PTH2R: variants seen among roughly 807,000 people sequenced by gnomAD.
The protein encoded by PTH2R is parathyroid hormone 2 receptor, also known as PTH2 receptor.
In PTH2R, 59 loss-of-function variants were observed where a neutral mutation model predicts 60.3. The observed-to-expected ratio is 0.98, with a 90% CI of 0.79 to 1.22. The LOEUF (loss-of-function observed/expected upper bound fraction) is 1.22, where lower values mean the gene tolerates loss of function less well. Among genes scored for constraint, PTH2R ranks in the 50% most tolerant of loss-of-function variants. The pLI, the probability that PTH2R is intolerant of heterozygous loss-of-function variation, is 0.00. For synonymous variants in PTH2R, 256 were observed against 243.8 expected (o/e 1.05, Z -0.47); for missense variants, 749 against 682.6 (o/e 1.10, Z -1.08).
At chr2:208,428,176 G>A (rs968554073) in intron 1 of PTH2R, 25 bp from the exon 2 acceptor site, 8 of 1,530,948 alleles carry the variant, frequency 5.2e-6, no homozygotes, top group Non-Finnish European at 7.2e-6. Flanking sequence ...TGATGAAAAT[G>A]TTTGTATTTT....
At chr2:208,416,718 A>G (rs1701648636) in intron 1 of PTH2R, among the ~76,000 whole-genome samples, 1 of 152,308 alleles carries the variant, frequency 6.6e-6, no homozygotes, top group South Asian at 2.1e-4. Context: ...ACCCACCCTT[A>G]AGCTGGGTGG....
chr2:208,433,474 G>A (rs535156428), intron 2 of PTH2R, among the ~76,000 whole-genome samples: 109 of 152,234 alleles, frequency 7.2e-4, no homozygotes, highest in Non-Finnish European at 1.2e-3. Flanking sequence ...AAATATTTAG[G>A]AGTGAGCTGT....
intron 1 of PTH2R, among the ~76,000 whole-genome samples, chr2:208,410,396 G>A (rs1325077531): frequency 2.0e-5 from 3 of 152,078 alleles, no homozygotes; most frequent in Non-Finnish European, 4.4e-5. Flanking sequence ...CCTCCTACTG[G>A]TACCCTCATT....
chr2:208,405,022 C>T (rs1701375778), upstream of PTH2R, among the ~76,000 whole-genome samples: 1 of 152,208 alleles, frequency 6.6e-6, no homozygotes, highest in African/African-American at 2.4e-5. Context: ...TAAGCCTCTT[C>T]TATCAGAGCA....
Position 208,493,843 on chromosome 2 carries a change from A to G in PTH2R, c.*184A>G. On this transcript the variant is annotated 3_prime_UTR_variant, in exon 13 of 13. Coordinates refer to ENST00000272847, the MANE Select transcript of PTH2R (RefSeq NM_005048.4). ...TAACGACATGAAAATGCAAGTGTCA[A>G]TGGAGTAGTTTATTACCTTCTATTG... is the stretch of plus-strand genomic sequence containing the variant. The G allele has an allele frequency of 1.9e-6, 1 of 537,264 alleles. No homozygotes were observed. Among genetic ancestry groups the G allele is most frequent in the East Asian group, 3.3e-5 (1 of 30,552 alleles). 33.3% of individuals were successfully genotyped at this position (537,264 alleles called of 1,614,324 possible). A position where few individuals can be genotyped will look rare whatever the true frequency, so the allele number is the denominator to read the frequency against.
At chr2:208,377,953 T>G (rs968828728) in intron 1 of PTH2R, among the ~76,000 whole-genome samples, 26 of 151,886 alleles carry the variant, frequency 1.7e-4, no homozygotes, top group Non-Finnish European at 3.2e-4. Context: ...GAGACGCTCC[T>G]CACTTCCCAG....
At chr2:208,426,890 AG>A (rs1246948802) in intron 1 of PTH2R, among the ~76,000 whole-genome samples, 1 of 152,242 alleles carries the variant, frequency 6.6e-6, no homozygotes, top group Non-Finnish European at 1.5e-5. Context: ...TCAATTTAAC[AG>A]ATTGTGATTT....
At chr2:208,410,677 A>G (rs1559211641) in intron 1 of PTH2R, among the ~76,000 whole-genome samples, 1 of 152,256 alleles carries the variant, frequency 6.6e-6, no homozygotes, top group Non-Finnish European at 1.5e-5. Context: ...ACAATAGGAT[A>G]TATGGTATGA....
chr2:208,410,459 G>C (rs1009175349), intron 1 of PTH2R, among the ~76,000 whole-genome samples: 1 of 152,262 alleles, frequency 6.6e-6, no homozygotes, highest in Middle Eastern at 3.4e-3. Flanking sequence ...CATGTCCTCT[G>C]TCCCAGCAAT....
chr2:208,480,255 G>T (rs1345246650), intron 9 of PTH2R, among the ~76,000 whole-genome samples: 1 of 152,190 alleles, frequency 6.6e-6, no homozygotes, highest in Non-Finnish European at 1.5e-5. Context: ...CCCTGCTCTG[G>T]CAGGGACAAG....
chr2:208,387,432 C>T (rs1007098288), intron 1 of PTH2R, among the ~76,000 whole-genome samples: 2 of 152,160 alleles, frequency 1.3e-5, no homozygotes, highest in African/African-American at 2.4e-5. Context: ...GAACTTTGCA[C>T]TCACAAAAGA....
At chr2:208,424,973 G>T (rs993549786) in intron 1 of PTH2R, among the ~76,000 whole-genome samples, 4 of 152,058 alleles carry the variant, frequency 2.6e-5, no homozygotes, top group Admixed American at 6.6e-5. Flanking sequence ...CAAGCCTGAG[G>T]CCAAGAAACT....
intron 1 of PTH2R, among the ~76,000 whole-genome samples, chr2:208,425,458 A>G (rs566608823): frequency 1.3e-5 from 2 of 152,328 alleles, no homozygotes; most frequent in South Asian, 4.1e-4. Context: ...CACCCTTTTA[A>G]AAGAAATTGC....
At chr2:208,375,780 C>T (rs1466367063) in intron 1 of PTH2R, among the ~76,000 whole-genome samples, 3 of 152,076 alleles carry the variant, frequency 2.0e-5, no homozygotes. Flanking sequence ...GCAGTAGAAG[C>T]AGGTTCTGTG....
rs1199196137 is a variant in PTH2R at position 208,386,692 on chromosome 2, T to G, written c.-259+26455T>G. Among the ~76,000 whole-genome samples, 4 of 152,204 alleles carry G rather than the reference T, an allele frequency of 2.6e-5. No homozygotes were observed. In the East Asian group the frequency reaches 7.7e-4, roughly 29 times the overall value. On this transcript the variant is annotated intron_variant, in intron 1 of 12. Coordinates refer to the PTH2R transcript ENST00000617735. ...TCTGGTGAGAGCAGTCTTCCTCTTT[T>G]GCAGCTCCCCATGGTTTGCAAATCA...
rs1700978116 is a variant in PTH2R, at chr2:208,385,024, C to T, written c.-259+24787C>T. Among the ~76,000 whole-genome samples the T allele has an allele frequency of 2.0e-5, 3 of 152,274 alleles. No individual in the cohort carries two copies. The South Asian group carries it at 6.2e-4, about 32-fold the overall frequency. On this transcript the variant is annotated intron_variant, in intron 1 of 12. Coordinates refer to the PTH2R transcript ENST00000617735. Reference sequence around the variant, plus strand: ...AACATTTGAAAAACACTCCTTTTTTCTACCACTCCCTTCTTAGAACAGAAA... The same window carrying T: ...AACATTTGAAAAACACTCCTTTTTTTTACCACTCCCTTCTTAGAACAGAAA...
In PTH2R at chr2:208,437,784, C is replaced by T. The variant is rs2105865652; in HGVS notation, c.314C>T (p.Pro105Leu). 6.2e-7 allele frequency: 1 copy of T among 1,613,746 alleles called. No homozygotes were observed. The highest frequency in any genetic ancestry group is 1.3e-5 in the African/African-American group (1 of 75,046). Reference protein sequence around the residue: ...HKGVAFRHCNPNGTWDFMHSL... With the variant: ...HKGVAFRHCNLNGTWDFMHSL... ...GGAGTTGCTTTCCGACACTGTAACC[C>T]CAATGGAACATGGGATTTTATGCAC... The change falls in exon 4 of 13, where the codon CCC becomes CTC. Residue 105 changes from proline to leucine, a missense_variant. Physicochemically the swap from Pro to Leu is moderately conservative, Grantham distance 98. Coordinates refer to ENST00000272847, the MANE Select transcript of PTH2R (RefSeq NM_005048.4).
intron 1 of PTH2R, among the ~76,000 whole-genome samples, chr2:208,374,798 G>C (rs1700764610): frequency 6.6e-6 from 1 of 152,036 alleles, no homozygotes; most frequent in African/African-American, 2.4e-5. Flanking sequence ...GAGCCACCAC[G>C]CCCGGCCCAA....
intron 1 of PTH2R, among the ~76,000 whole-genome samples, chr2:208,381,977 G>T (rs1700923623): frequency 6.6e-6 from 1 of 152,098 alleles, no homozygotes; most frequent in Admixed American, 6.5e-5. Flanking sequence ...GGTGTATCTG[G>T]TGTCTCTGCT....
Sources: gnomAD v4.1 joint callset for allele counts (sites outside exome capture counted in the v4.1 genomes callset) on GRCh38, gnomAD v4.1.1 for gene constraint, MANE v1.5 for transcripts, NCBI Gene and HGNC (gene_info 2026-07-23, HGNC 2026-07-21) for gene names.